ABCB9: variants seen among roughly 807,000 people sequenced by gnomAD.
ABCB9 encodes ATP binding cassette subfamily B member 9, also known as ABC-type oligopeptide transporter ABCB9.
ABCB9 carries 36 observed loss-of-function variants against 62.0 expected under a neutral mutation model. That is an observed-to-expected ratio of 0.58 (90% CI 0.45 to 0.77). The LOEUF is 0.77. ABCB9 is among the 30% of genes least tolerant of loss of function. The probability of loss-of-function intolerance (pLI) is 0.00; values close to 1 mark genes in which losing one functional copy is unlikely to be tolerated. For missense variants in ABCB9, 943 were observed against 1,054.7 expected, an observed-to-expected ratio of 0.89 and a Z score of 1.47; for synonymous variants, 435 against 461.4, an observed-to-expected ratio of 0.94 and a Z score of 0.73.
chr12:122,954,901 T>C (rs2036547870), intron 2 of ABCB9, among the ~76,000 whole-genome samples: 4 of 152,218 alleles, frequency 2.6e-5, no homozygotes, highest in Admixed American at 2.6e-4. Context: ...ATTCTGAGGG[T>C]ACAGAAAAGC....
chr12:122,946,402 A>G, intron 5 of ABCB9, 180 bp from the exon 6 acceptor site: 1 of 638,278 alleles, frequency 1.6e-6, no homozygotes, highest in Non-Finnish European at 2.7e-6. Flanking sequence ...GCTCAATTTG[A>G]CACACTCAGG....
intron 4 of ABCB9, 197 bp from the exon 5 acceptor site, chr12:122,949,026 T>C: frequency 2.0e-6 from 1 of 500,432 alleles, no homozygotes; most frequent in East Asian, 3.5e-5. Flanking sequence ...GCATCTTGCT[T>C]AAGCTTCATG....
Position 122,940,364 on chromosome 12 carries a change from G to T in ABCB9, c.1570-80C>A. ...GATGCCCTGACCTTGGACACAGGTG[G>T]GTGCCCTTCCCAGCCCACCCCATGT... is the stretch of plus-strand genomic sequence containing the variant. On this transcript the variant is annotated intron_variant, in intron 8 of 11. Coordinates refer to ENST00000280560, the MANE Select transcript of ABCB9 (RefSeq NM_019625.4). This position sits in a 1 kb window ranked among gnomAD's most constrained non-coding sequence, Gnocchi z 4.8. 6.7e-7 allele frequency: 1 copy of T among 1,487,050 alleles called. No individual in the cohort carries two copies. Among genetic ancestry groups the T allele is most frequent in the East Asian group, 2.3e-5 (1 of 42,990 alleles). The allele number at this position is 1,487,050 out of a possible 1,614,324, so 92.1% of individuals were successfully genotyped here. A position where few individuals can be genotyped will look rare whatever the true frequency, so the allele number is the denominator to read the frequency against.
intron 7 of ABCB9, among the ~76,000 whole-genome samples, chr12:122,942,893 T>G (rs1057185780): frequency 2.0e-5 from 3 of 152,130 alleles, no homozygotes; most frequent in Admixed American, 2.0e-4. Context: ...GAAGCATGGA[T>G]TCCTAGGGGC....
At chr12:122,939,854 C>T (rs987616563) in intron 9 of ABCB9, 7 of 427,558 alleles carry the variant, frequency 1.6e-5, no homozygotes, top group East Asian at 4.2e-5. Context: ...TTAATAGAGA[C>T]GGAGTCTCAC....
chr12:122,954,020 T>C (rs997422886), intron 2 of ABCB9, among the ~76,000 whole-genome samples: 6 of 152,092 alleles, frequency 3.9e-5, no homozygotes, highest in Non-Finnish European at 7.4e-5. Context: ...TAAAGAATCT[T>C]AGGCTACAGA....
chr12:122,959,927 G>A lies in ABCB9; in HGVS notation c.309C>T (p.Leu103=). ...VGIYAMVKLL[L]FSEVRRPIRD... is the part of the protein sequence containing the mutation. The stretch of plus-strand genomic sequence containing the variant: ...GGATGGGCCTGCGCACCTCTGAGAA[G>A]AGCAGCAGCTTCACCATGGCATAGA... Residue 103 remains leucine (L), a synonymous_variant, in exon 2 of 12, where the codon CTC becomes CTT. Coordinates refer to ENST00000280560, the MANE Select transcript of ABCB9 (RefSeq NM_019625.4). This position sits in a 1 kb window ranked among gnomAD's most constrained non-coding sequence, Gnocchi z 5.4. The A allele has an allele frequency of 1.2e-6, 2 of 1,613,424 alleles. No individual in the cohort carries two copies. The highest frequency in any genetic ancestry group is 1.7e-6 in the Non-Finnish European group (2 of 1,179,946).
Position 122,964,659 on chromosome 12 carries a change from CAG to C in ABCB9, c.-88+1626_-88+1627del, listed in dbSNP as rs2037081244. On this transcript the variant is annotated intron_variant, in intron 1 of 11. Coordinates refer to ENST00000280560, the MANE Select transcript of ABCB9 (RefSeq NM_019625.4). This position sits in a 1 kb window ranked among gnomAD's most constrained non-coding sequence, Gnocchi z 4.7. Reference sequence around the variant, plus strand: ...GTCACCGCTCTCCAACTGCCTGACTCAGAGGATGCGCTGGGCTCGGCCAGGTG... The same window carrying C: ...GTCACCGCTCTCCAACTGCCTGACTCAGGATGCGCTGGGCTCGGCCAGGTG... Among the ~76,000 whole-genome samples the C allele has an allele frequency of 6.6e-6, 1 of 152,260 alleles. No homozygotes were observed. The highest frequency in any genetic ancestry group is 1.5e-5 in the Non-Finnish European group (1 of 68,054).
downstream of ABCB9, chr12:122,924,692 G>A: frequency 6.6e-7 from 1 of 1,524,958 alleles, no homozygotes. Context: ...GCCCTGGGGT[G>A]CCGTGCTCCT....
chr12:122,954,848 A>G (rs2036545218), intron 2 of ABCB9, among the ~76,000 whole-genome samples: 1 of 152,164 alleles, frequency 6.6e-6, no homozygotes, highest in South Asian at 2.1e-4. Context: ...ACATTTCCCA[A>G]TGGGTGGTTT....
chr12:122,949,731 AAGCCCACAGGGGTGGGGCCC>A, intron 4 of ABCB9, 37 bp downstream of exon 4: 1 of 1,605,362 alleles, frequency 6.2e-7, no homozygotes, highest in East Asian at 2.2e-5. Flanking sequence ...AGTGCCAGGC[AAGCCCACAGGGGTGGGGCCC>A]AGCCCCCAGG....
rs544019943 is a variant in ABCB9, at chr12:122,940,231, C to T, written c.1623G>A (p.Ser541=). Residue 541 remains serine (S), a synonymous_variant, in exon 9 of 12, where the codon TCG becomes TCA. Coordinates refer to ENST00000280560, the MANE Select transcript of ABCB9 (RefSeq NM_019625.4). This position sits in a 1 kb window ranked among gnomAD's most constrained non-coding sequence, Gnocchi z 4.8. ...PGKVTALVGP[S]GSGKSSCVNI... Reference sequence around the variant, plus strand: ...TGACACAGGAGCTCTTCCCACTGCCCGAGGGCCCCACCAGGGCCGTCACCT... The same window carrying T: ...TGACACAGGAGCTCTTCCCACTGCCTGAGGGCCCCACCAGGGCCGTCACCT... 18 of 1,611,608 alleles carry T rather than the reference C, an allele frequency of 1.1e-5. No individual in the cohort carries two copies. The highest frequency in any genetic ancestry group is 6.7e-5 in the African/African-American group (5 of 74,992).
chr12:122,959,817 A>T lies in ABCB9; in HGVS notation c.419T>A (p.Val140Glu). ...SFLLWWLLST[V>E]RPGTQALEPG... ...CTCCAGGGCCTGGGTGCCTGGCCGCACGGTGGACAGCAGCCACCAGAGCAG... is the reference window on the plus strand; with the variant it reads ...CTCCAGGGCCTGGGTGCCTGGCCGCTCGGTGGACAGCAGCCACCAGAGCAG... Residue 140 changes from valine (V) to glutamate (E), a missense_variant, in exon 2 of 12, where the codon GTG (valine) becomes GAG (glutamate). Physicochemically the swap from Val to Glu is moderately radical, Grantham distance 121. Coordinates refer to ENST00000280560, the MANE Select transcript of ABCB9 (RefSeq NM_019625.4). The surrounding 1 kb of genome is among the most constrained non-coding windows in gnomAD (Gnocchi z 5.4). 6.2e-7 allele frequency: 1 copy of T among 1,612,756 alleles called. No individual in the cohort carries two copies. Among genetic ancestry groups the T allele is most frequent in the Non-Finnish European group, 8.5e-7 (1 of 1,179,724 alleles).
In ABCB9 at chr12:122,949,705, G is replaced by A. The variant is rs1408765067; in HGVS notation, c.847+83C>T. 3.9e-6 allele frequency: 6 copies of A among 1,553,036 alleles called. No homozygotes were observed. The African/African-American group carries it at 4.1e-5, about 11-fold the overall frequency. On this transcript the variant is annotated intron_variant, in intron 4 of 11. Coordinates refer to ENST00000280560, the MANE Select transcript of ABCB9 (RefSeq NM_019625.4). ...GACAGAGGGCTGAGACCACCCACAC[G>A]CCCATTTCATTCCTCAGTGCCAGGC...
At chr12:122,950,046 G>T in intron 3 of ABCB9, 128 bp from the exon 4 acceptor site, 2 of 1,326,710 alleles carry the variant, frequency 1.5e-6, no homozygotes, top group Non-Finnish European at 2.1e-6. Context: ...TGGCATCCCT[G>T]CGGGGTCCCC....
chr12:122,949,986 C>G (rs919570495), intron 3 of ABCB9, 68 bp from the exon 4 acceptor site: 7 of 1,597,164 alleles, frequency 4.4e-6, no homozygotes, highest in African/African-American at 2.7e-5. Flanking sequence ...CGGCTGCCCC[C>G]TCCCGCTGCC....
At chr12:122,963,140 A>G (rs975609538) in intron 1 of ABCB9, among the ~76,000 whole-genome samples, 2 of 152,156 alleles carry the variant, frequency 1.3e-5, no homozygotes, top group Non-Finnish European at 2.9e-5. Context: ...TCTACTAAAA[A>G]TACAAAAATT....
chr12:122,940,365 G>GCTGGGAAGGGCACCCACC lies in ABCB9; in HGVS notation c.1570-82_1570-81insGGTGGGTGCCCTTCCCAG. The GCTGGGAAGGGCACCCACC allele has an allele frequency of 6.7e-7, 1 of 1,487,510 alleles. No homozygotes were observed. Among genetic ancestry groups the GCTGGGAAGGGCACCCACC allele is most frequent in the Non-Finnish European group, 9.0e-7 (1 of 1,114,316 alleles). The allele number at this position is 1,487,510 out of a possible 1,614,324, so 92.1% of individuals were successfully genotyped here. On this transcript the variant is annotated intron_variant, in intron 8 of 11. Transcript: ENST00000280560. This position sits in a 1 kb window ranked among gnomAD's most constrained non-coding sequence, Gnocchi z 4.8. ...ATGCCCTGACCTTGGACACAGGTGG[G>GCTGGGAAGGGCACCCACC]TGCCCTTCCCAGCCCACCCCATGTG...
At chr12:122,953,462 G>A (rs986490150) in intron 2 of ABCB9, among the ~76,000 whole-genome samples, 5 of 151,954 alleles carry the variant, frequency 3.3e-5, no homozygotes, top group African/African-American at 9.7e-5. Context: ...ATTTCAGCTC[G>A]CTGTAACCTC....
Sources: allele counts gnomAD v4.1 joint callset (sites outside exome capture counted in the v4.1 genomes callset), GRCh38; gene constraint gnomAD v4.1.1; non-coding constraint Gnocchi (gnomAD v3.1); transcripts MANE v1.5; gene names NCBI Gene and HGNC (gene_info 2026-07-23, HGNC 2026-07-21).